Variants in PCDH17 observed in about 807,000 individuals in gnomAD.
The protein encoded by PCDH17 is protocadherin-17.
PCDH17 carries 21 observed loss-of-function variants against 67.7 expected under a neutral mutation model. The ratio of observed to expected loss-of-function variants is 0.31; its 90% CI spans 0.22 to 0.45. The LOEUF (loss-of-function observed/expected upper bound fraction) is 0.45, where lower values mean the gene tolerates loss of function less well. Among genes scored for constraint, PCDH17 ranks in the 20% least tolerant of loss-of-function variants. PCDH17 has a pLI of 1.00. For missense variants in PCDH17, 1,471 were observed against 1,564.8 expected (o/e 0.94, Z 1.01); for synonymous variants, 701 against 656.7 (o/e 1.07, Z -1.03).
At chr13:57,640,821 T>TA (rs1954881995) in intron 1 of PCDH17, among the ~76,000 whole-genome samples, 2 of 152,046 alleles carry the variant, frequency 1.3e-5, no homozygotes, top group Non-Finnish European at 2.9e-5. Context: ...AGTTAGGAAG[T>TA]AAAACTTAAC....
chr13:57,663,222 G>A (rs1955206144), intron 1 of PCDH17, among the ~76,000 whole-genome samples: 1 of 152,078 alleles, frequency 6.6e-6, no homozygotes, highest in Admixed American at 6.6e-5. Context: ...AAAAGTCACT[G>A]TGTTCAAGTT....
chr13:57,638,007 C>T (rs1204614618), intron 1 of PCDH17, among the ~76,000 whole-genome samples: 1 of 151,828 alleles, frequency 6.6e-6, no homozygotes, highest in Non-Finnish European at 1.5e-5. Flanking sequence ...TCAAGTTCCT[C>T]AGAAAAATTA....
chr13:57,663,989 C>T (rs865960520), intron 1 of PCDH17, among the ~76,000 whole-genome samples: 2 of 152,062 alleles, frequency 1.3e-5, no homozygotes, highest in African/African-American at 2.4e-5. Flanking sequence ...ACTGTAGCCT[C>T]GACATCCTGG....
intron 3 of PCDH17, among the ~76,000 whole-genome samples, chr13:57,677,701 T>G (rs2138042216): frequency 6.6e-6 from 1 of 151,932 alleles, no homozygotes; most frequent in Non-Finnish European, 1.5e-5. Context: ...TCAAGAAACA[T>G]CTATACAATC....
chr13:57,711,367 A>T (rs1425232348), intron 3 of PCDH17, among the ~76,000 whole-genome samples: 1 of 151,874 alleles, frequency 6.6e-6, no homozygotes, highest in East Asian at 1.9e-4. Context: ...AACTGTTGTT[A>T]GGTAAATTAA....
At chr13:57,698,210 T>C (rs1955629397) in intron 3 of PCDH17, among the ~76,000 whole-genome samples, 2 of 151,442 alleles carry the variant, frequency 1.3e-5, no homozygotes, top group South Asian at 4.2e-4. Flanking sequence ...AGATAATATA[T>C]AGAGAAATAT....
At chr13:57,682,867 C>T (rs1417653810) in intron 3 of PCDH17, among the ~76,000 whole-genome samples, 1 of 151,650 alleles carries the variant, frequency 6.6e-6, no homozygotes, top group African/African-American at 2.4e-5. Context: ...AATTTTTAAG[C>T]CTTAGGGTAG....
intron 3 of PCDH17, among the ~76,000 whole-genome samples, chr13:57,686,803 A>G (rs1235320442): frequency 1.3e-5 from 2 of 152,056 alleles, no homozygotes; most frequent in African/African-American, 4.8e-5. Flanking sequence ...GCAAAGTGAA[A>G]GTTTATTTCC....
intron 3 of PCDH17, among the ~76,000 whole-genome samples, chr13:57,715,901 A>G (rs555030939): frequency 5.3e-5 from 8 of 152,136 alleles, no homozygotes; most frequent in African/African-American, 1.7e-4. Context: ...CAGATGTAGG[A>G]AAAAGAAATA....
intron 1 of PCDH17, among the ~76,000 whole-genome samples, chr13:57,644,480 T>G (rs1257336455): frequency 2.0e-5 from 3 of 151,490 alleles, no homozygotes; most frequent in Non-Finnish European, 4.4e-5. Context: ...CGTGCCCAGT[T>G]CCCCATCTCA....
At position 57,634,087 on chromosome 13, in the gene PCDH17, C is replaced by T. The variant is rs1364348588; in HGVS notation, c.1541C>T (p.Ser514Leu). Residue 514 changes from serine to leucine, a missense_variant, in exon 1 of 4, where the codon TCG (serine) becomes TTG (leucine). This residue lies in a region of PCDH17 where 1,163 missense variants were observed against 1,230.0 expected (regional missense o/e 0.95). Coordinates refer to ENST00000377918, the MANE Select transcript of PCDH17 (RefSeq NM_001040429.3). The surrounding 1 kb of genome is among the most constrained non-coding windows in gnomAD (Gnocchi z 7.8). ...NGTVSYSILP[S>L]HIGDVSIYTY... is the part of the protein sequence containing the mutation. ...ACCGTATCCTACTCTATCCTGCCCTCGCACATCGGCGACGTGTCTATCTAC... is the reference window on the plus strand; with the variant it reads ...ACCGTATCCTACTCTATCCTGCCCTTGCACATCGGCGACGTGTCTATCTAC... 1.9e-6 allele frequency: 3 copies of T among 1,612,894 alleles called. 1 individual carries two copies. The highest frequency in any genetic ancestry group is 2.2e-5 in the South Asian group (2 of 91,032).
intron 3 of PCDH17, among the ~76,000 whole-genome samples, chr13:57,704,558 T>C (rs1955699692): frequency 6.7e-6 from 1 of 149,906 alleles, no homozygotes; most frequent in Non-Finnish European, 1.5e-5. Context: ...GACTCAAATC[T>C]CTATCCAAAA....
chr13:57,700,177 G>A (rs1295733147), intron 3 of PCDH17, among the ~76,000 whole-genome samples: 2 of 151,994 alleles, frequency 1.3e-5, no homozygotes, highest in African/African-American at 2.4e-5. Flanking sequence ...TTGGCATCAG[G>A]TGAATAATTC....
intron 3 of PCDH17, among the ~76,000 whole-genome samples, chr13:57,701,267 C>CGTTT (rs200060600): frequency 0.014 from 2,061 of 152,114 alleles, 37 homozygotes; most frequent in African/African-American, 0.045. Context: ...GTATCTCCCC[C>CGTTT]GTTTGTTTGT....
chr13:57,670,846 A>G (rs1005021046), intron 3 of PCDH17, among the ~76,000 whole-genome samples: 2 of 151,820 alleles, frequency 1.3e-5, no homozygotes, highest in African/African-American at 4.8e-5. Context: ...TTTTGCTACC[A>G]TTAGTTTAAT....
chr13:57,634,490 G>T lies in PCDH17; in HGVS notation c.1944G>T (p.Leu648=), dbSNP rs1006508639. ...CGTCCAGCGGCGAGATCCGCACGCT[G>T]CACCCTTTCTGGGAGGACGTGACGC... is the stretch of plus-strand genomic sequence containing the variant. The part of the protein sequence containing the change: ...IDPSSGEIRT[L]HPFWEDVTPV... Residue 648 remains leucine, a synonymous_variant, in exon 1 of 4, where the codon CTG becomes CTT. Transcript: ENST00000377918. This position sits in a 1 kb window ranked among gnomAD's most constrained non-coding sequence, Gnocchi z 7.8. The T allele has an allele frequency of 6.2e-7, 1 of 1,612,828 alleles. No homozygotes were observed. Among genetic ancestry groups the T allele is most frequent in the African/African-American group, 1.3e-5 (1 of 74,868 alleles).
At chr13:57,716,131 G>GA (rs899868252) in intron 3 of PCDH17, among the ~76,000 whole-genome samples, 13 of 151,694 alleles carry the variant, frequency 8.6e-5, no homozygotes, top group Admixed American at 6.6e-5. Context: ...TCCCTTTTTA[G>GA]AAAAAATGCT....
chr13:57,642,392 G>A (rs1954916696), intron 1 of PCDH17, among the ~76,000 whole-genome samples: 1 of 151,370 alleles, frequency 6.6e-6, no homozygotes, highest in Admixed American at 6.6e-5. Context: ...AAAAAACATT[G>A]GTTACATGTT....
At chr13:57,684,019 G>A (rs567971687) in intron 3 of PCDH17, among the ~76,000 whole-genome samples, 2 of 151,962 alleles carry the variant, frequency 1.3e-5, no homozygotes, top group African/African-American at 4.8e-5. Flanking sequence ...TCTGGGGCAC[G>A]AGGTGAGATA....
Sources: gnomAD v4.1 joint callset for allele counts (sites outside exome capture counted in the v4.1 genomes callset) on GRCh38, gnomAD v4.1.1 for gene constraint, gnomAD v4.1.1 regional missense constraint, Gnocchi (gnomAD v3.1) non-coding constraint, MANE v1.5 for transcripts, NCBI Gene and HGNC (gene_info 2026-07-23, HGNC 2026-07-21) for gene names.